KLF8: variants seen among roughly 807,000 people sequenced by gnomAD.
KLF8 encodes the protein KLF transcription factor 8.
A neutral mutation model predicts 18.2 loss-of-function variants in KLF8; 10 were observed. That is an observed-to-expected ratio of 0.55 (90% CI 0.34 to 0.93). The LOEUF (loss-of-function observed/expected upper bound fraction) is 0.93. Ranked by LOEUF, KLF8 falls within the 40% of genes least tolerant of loss-of-function variation. KLF8 has a pLI of 0.02. For missense variants in KLF8, 264 were observed against 277.9 expected (o/e 0.95, Z 0.36); for synonymous variants, 109 against 97.3 (o/e 1.12, Z -0.71).
chrX:56,034,271 T>C, the KLF8 span, among the ~76,000 whole-genome samples: 1 of 112,461 alleles, frequency 8.9e-6, no homozygotes, highest in East Asian at 2.8e-4. Context: ...TTAAAAAGAC[T>C]GTCCTTTTCC....
At chrX:55,914,721 A>G in the KLF8 span, among the ~76,000 whole-genome samples, 2 of 111,454 alleles carry the variant, frequency 1.8e-5, no homozygotes, top group East Asian at 5.6e-4. Flanking sequence ...ATTATGTATA[A>G]ATCAATGGAG....
the KLF8 span, among the ~76,000 whole-genome samples, chrX:56,175,037 C>A: frequency 1.9e-4 from 21 of 110,302 alleles, no homozygotes; most frequent in East Asian, 5.7e-3. Flanking sequence ...GTGATCCCTT[C>A]AAAAAATCAG....
At chrX:56,282,104 C>CTT (rs1261007002) in intron 5 of KLF8, among the ~76,000 whole-genome samples, 1 of 112,277 alleles carries the variant, frequency 8.9e-6, no homozygotes. Context: ...TGTGGAGATG[C>CTT]TATAAAATCA....
chrX:56,064,667 A>AT, the KLF8 span, among the ~76,000 whole-genome samples: 4 of 109,825 alleles, frequency 3.6e-5, no homozygotes, highest in East Asian at 2.8e-4. Flanking sequence ...TCTTTTTATT[A>AT]TTTTTTGTGT....
Position 56,232,965 on chromosome X carries a change from T to C in KLF8, c.-370T>C, listed in dbSNP as rs2066420540. On this transcript the variant is annotated 5_prime_UTR_variant, in exon 1 of 6. Transcript: ENST00000468660. ...CGGAGGACCTTAAGCTCTGGCCACTTCGGCCCAGCGAACCCACTTTATTTT... is the reference window on the plus strand; with the variant it reads ...CGGAGGACCTTAAGCTCTGGCCACTCCGGCCCAGCGAACCCACTTTATTTT... The C allele has an allele frequency of 4.1e-6, 1 of 243,581 alleles. No homozygotes were observed. Among genetic ancestry groups the C allele is most frequent in the African/African-American group, 2.8e-5 (1 of 35,794 alleles). 20.1% of individuals were successfully genotyped at this position (243,581 alleles called of 1,213,427 possible).
At chrX:55,916,269 C>T in the KLF8 span, among the ~76,000 whole-genome samples, 1 of 111,867 alleles carries the variant, frequency 8.9e-6, no homozygotes, top group African/African-American at 3.2e-5. Context: ...ATTATTTTGG[C>T]CCTACCCACT....
chrX:56,191,981 T>C, the KLF8 span, among the ~76,000 whole-genome samples: 2 of 110,628 alleles, frequency 1.8e-5, no homozygotes, highest in Non-Finnish European at 3.8e-5. Context: ...ACTAAAGCAA[T>C]CAGACAAGAG....
At chrX:56,065,842 T>G in the KLF8 span, among the ~76,000 whole-genome samples, 1 of 112,161 alleles carries the variant, frequency 8.9e-6, no homozygotes, top group African/African-American at 3.2e-5. Context: ...CTTCAGTGGT[T>G]TATAGTGCAG....
At chrX:56,004,710 G>A in the KLF8 span, among the ~76,000 whole-genome samples, 2 of 111,628 alleles carry the variant, frequency 1.8e-5, no homozygotes, top group Admixed American at 9.5e-5. Flanking sequence ...AAAAGCCAGA[G>A]AAGAGGGGAG....
the KLF8 span, among the ~76,000 whole-genome samples, chrX:56,085,343 C>G: frequency 1.8e-5 from 2 of 112,097 alleles, no homozygotes; most frequent in African/African-American, 6.5e-5. Flanking sequence ...AAGCTGGTGA[C>G]TCAGAAAATC....
At chrX:56,226,154 G>C in the KLF8 span, among the ~76,000 whole-genome samples, 2 of 112,052 alleles carry the variant, frequency 1.8e-5, no homozygotes, top group Non-Finnish European at 3.8e-5. Context: ...CATGGGCACA[G>C]GAGGAGGGGG....
chrX:56,062,828 A>C, the KLF8 span, among the ~76,000 whole-genome samples: 1 of 110,806 alleles, frequency 9.0e-6, no homozygotes, highest in Admixed American at 9.6e-5. Context: ...GTCTTTTCAC[A>C]CAGTCCCATC....
the KLF8 span, chrX:56,015,052 T>C: frequency 9.1e-5 from 10 of 110,311 alleles, no homozygotes; most frequent in African/African-American, 3.3e-4. Flanking sequence ...CTGGGCTTAA[T>C]AACTTGATGA....
In KLF8 at chrX:56,250,324, G is replaced by A; in HGVS notation, c.81+20G>A. On this transcript the variant is annotated intron_variant, in intron 2 of 5. Transcript: ENST00000468660. ...AAGCAGGTCAGTTATCAGGAAAATA[G>A]GGTGCTAATATTGGGCCATAATAGT... 8.9e-7 allele frequency: 1 copy of A among 1,125,790 alleles called. No homozygotes were observed. Among genetic ancestry groups the A allele is most frequent in the Non-Finnish European group, 1.2e-6 (1 of 818,909 alleles). 92.8% of individuals were successfully genotyped at this position (1,125,790 alleles called of 1,213,427 possible). A position where few individuals can be genotyped will look rare whatever the true frequency, so the allele number is the denominator to read the frequency against.
At chrX:56,031,315 G>A in the KLF8 span, among the ~76,000 whole-genome samples, 1 of 111,758 alleles carries the variant, frequency 8.9e-6, no homozygotes, top group African/African-American at 3.3e-5. Context: ...TTTAAGCCAA[G>A]TCAAAACCAA....
the KLF8 span, among the ~76,000 whole-genome samples, chrX:55,943,193 G>A: frequency 9.0e-6 from 1 of 110,908 alleles, no homozygotes; most frequent in Non-Finnish European, 1.9e-5. Context: ...GTGAATTTTG[G>A]AACTAAAATT....
chrX:55,944,820 C>T, the KLF8 span, among the ~76,000 whole-genome samples: 1 of 111,126 alleles, frequency 9.0e-6, no homozygotes, highest in Non-Finnish European at 1.9e-5. Context: ...TTTTTTGTGT[C>T]TCTATTTCCT....
the KLF8 span, among the ~76,000 whole-genome samples, chrX:56,024,428 G>A: frequency 3.6e-5 from 4 of 111,087 alleles, no homozygotes; most frequent in Non-Finnish European, 7.5e-5. Flanking sequence ...GCCTGGTCTG[G>A]AACTCCTGGC....
the KLF8 span, among the ~76,000 whole-genome samples, chrX:55,977,899 C>T: frequency 9.1e-6 from 1 of 110,380 alleles, no homozygotes; most frequent in Non-Finnish European, 1.9e-5. Context: ...CTATCATTTT[C>T]CAGAGATGAC....
Sources: allele counts gnomAD v4.1 joint callset (sites outside exome capture counted in the v4.1 genomes callset), GRCh38; gene constraint gnomAD v4.1.1; transcripts MANE v1.5; gene names NCBI Gene and HGNC (gene_info 2026-07-23, HGNC 2026-07-21).